Variants in SMARCC2 observed in about 807,000 individuals in gnomAD.
SMARCC2 encodes the protein SWI/SNF complex subunit SMARCC2.
Under a neutral mutation model 151.3 loss-of-function variants are expected in SMARCC2, and 15 were observed. The observed-to-expected ratio is 0.10, with a 90% CI of 0.07 to 0.15. The LOEUF (loss-of-function observed/expected upper bound fraction) is 0.15. Ranked by LOEUF, SMARCC2 falls within the 10% of genes least tolerant of loss-of-function variation. SMARCC2 has a pLI of 1.00. For synonymous variants in SMARCC2, 590 were observed against 609.5 expected, an observed-to-expected ratio of 0.97 and a Z score of 0.47; for missense variants, 1,031 against 1,599.7, an observed-to-expected ratio of 0.64 and a Z score of 6.06.
At chr12:56,179,164 G>A (rs1437973682) in intron 11 of SMARCC2, 108 bp from the exon 12 acceptor site, 2 of 858,334 alleles carry the variant, frequency 2.3e-6, no homozygotes, top group East Asian at 2.5e-5. Flanking sequence ...CCACCTGATT[G>A]CAAAATATAG....
Position 56,179,163 on chromosome 12 carries a change from T to G in SMARCC2, c.1082-107A>C, listed in dbSNP as rs1319920548. ...TCTCCAAAAATTGTCTCCACCTGAT[T>G]GCAAAATATAGTAATTCTCTCCAGT... On this transcript the variant is annotated intron_variant, in intron 11 of 28. Transcript: ENST00000550164. 4.5e-6 allele frequency: 4 copies of G among 887,236 alleles called. No individual in the cohort carries two copies. The African/African-American group carries it at 6.6e-5, about 15-fold the overall frequency. The allele number at this position is 887,236 out of a possible 1,614,324, so 55.0% of individuals were successfully genotyped here.
chr12:56,167,845 C>T (rs1873096269), intron 26 of SMARCC2, among the ~76,000 whole-genome samples: 1 of 151,760 alleles, frequency 6.6e-6, no homozygotes, highest in Non-Finnish European at 1.5e-5. Flanking sequence ...CTTTGAAGCC[C>T]TGTCTGTCTC....
chr12:56,186,299 C>A, intron 2 of SMARCC2, 59 bp from the exon 3 acceptor site: 7 of 957,118 alleles, frequency 7.3e-6, no homozygotes, highest in African/African-American at 1.6e-5. Context: ...TCTCTCATCA[C>A]TTAATAATCT....
chr12:56,186,613 GTGC>G, intron 2 of SMARCC2: 1 of 241,948 alleles, frequency 4.1e-6, no homozygotes, highest in East Asian at 1.2e-4. Context: ...GCCTCCCAAA[GTGC>G]TGAGATTACA....
chr12:56,165,808 G>A lies in SMARCC2; in HGVS notation c.2851-109C>T, dbSNP rs1291452227. 5 of 1,135,206 alleles carry A rather than the reference G, an allele frequency of 4.4e-6. No homozygotes were observed. In the Admixed American group the frequency reaches 7.7e-5, roughly 17 times the overall value. The allele number at this position is 1,135,206 out of a possible 1,614,324, so 70.3% of individuals were successfully genotyped here. A position where few individuals can be genotyped will look rare whatever the true frequency, so the allele number is the denominator to read the frequency against. On this transcript the variant is annotated intron_variant, in intron 26 of 28. Transcript: ENST00000550164. ...GAAAGAGCCTGCCTCTCAATCAGAA[G>A]GTTCCCAAAATCTACATCTTGTGCT...
At chr12:56,181,183 G>A (rs1876130609) in intron 10 of SMARCC2, 82 bp from the exon 11 acceptor site, 2 of 1,417,990 alleles carry the variant, frequency 1.4e-6, no homozygotes, top group Middle Eastern at 1.8e-4. Context: ...GGGAAGGGAA[G>A]TGACAGAGAA....
In SMARCC2 at chr12:56,171,391, C is replaced by A. The variant is rs775389691; in HGVS notation, c.2227G>T (p.Val743Leu). 5.6e-6 allele frequency: 9 copies of A among 1,614,120 alleles called. No individual in the cohort carries two copies. In the South Asian group the frequency reaches 8.8e-5, roughly 16 times the overall value. ...KMKEEVPTALVEAHVRKVEEA... is the reference protein window; with the variant it reads ...KMKEEVPTALLEAHVRKVEEA... ...TCCACTTTTCGAACATGGGCCTCCA[C>A]CAAGGCCGTGGGTACCTCTTCCTTC... The change falls in exon 22 of 29, where the codon GTG becomes TTG. Residue 743 changes from valine (V) to leucine (L), a missense_variant. By Grantham distance (32) the Val-to-Leu change is conservative. This residue lies in a region of SMARCC2 where 119 missense variants were observed against 184.2 expected (regional missense o/e 0.65). Coordinates refer to ENST00000550164, the MANE Select transcript of SMARCC2 (RefSeq NM_001330288.2). This position sits in a 1 kb window ranked among gnomAD's most constrained non-coding sequence, Gnocchi z 4.2.
At chr12:56,170,881 T>TGCC (rs1457569702) in intron 22 of SMARCC2, among the ~76,000 whole-genome samples, 3 of 151,952 alleles carry the variant, frequency 2.0e-5, no homozygotes, top group Admixed American at 6.6e-5. Context: ...TACAGGCACG[T>TGCC]GCCACCACGC....
chr12:56,188,572 T>G (rs1013032508), intron 1 of SMARCC2, among the ~76,000 whole-genome samples: 9 of 152,268 alleles, frequency 5.9e-5, no homozygotes, highest in African/African-American at 2.2e-4. Flanking sequence ...TCTTGAACCT[T>G]TTGTTCACCA....
intron 22 of SMARCC2, among the ~76,000 whole-genome samples, chr12:56,170,419 T>C (rs761271892): frequency 3.9e-4 from 59 of 150,540 alleles, no homozygotes; most frequent in Admixed American, 1.9e-3. Flanking sequence ...ATAACACCTG[T>C]TTTTTTTTGT....
Position 56,171,859 on chromosome 12 carries a change from G to A in SMARCC2, c.2005C>T (p.His669Tyr). The A allele has an allele frequency of 6.2e-7, 1 of 1,614,124 alleles. No individual in the cohort carries two copies. ...TCTTCAATGGGAAGACGAAGAAAAT[G>A]CAAGATGCACTCGTCCTGTGTGCGG... ...GSRTQDECILHFLRLPIEDPY... is the reference protein window; with the variant it reads ...GSRTQDECILYFLRLPIEDPY... The change falls in exon 21 of 29, where the codon CAT becomes TAT. Residue 669 changes from histidine (H) to tyrosine (Y), a missense_variant. His to Tyr is a moderately conservative substitution (Grantham distance 83). This residue lies in a region of SMARCC2 where 51 missense variants were observed against 137.9 expected (regional missense o/e 0.37). Transcript: ENST00000550164. The surrounding 1 kb of genome is among the most constrained non-coding windows in gnomAD (Gnocchi z 4.2).
At chr12:56,172,172 C>G in intron 20 of SMARCC2, 1 of 557,802 alleles carries the variant, frequency 1.8e-6, no homozygotes. Context: ...GCCTTGACCT[C>G]CTAGGCTCAA....
intron 1 of SMARCC2, among the ~76,000 whole-genome samples, chr12:56,188,422 G>C (rs1012565927): frequency 6.6e-6 from 1 of 152,178 alleles, no homozygotes; most frequent in Non-Finnish European, 1.5e-5. Flanking sequence ...GGAAGAACTG[G>C]GGAGCTGAAA....
intron 22 of SMARCC2, among the ~76,000 whole-genome samples, chr12:56,170,538 A>G (rs952003178): frequency 1.3e-5 from 2 of 150,330 alleles, no homozygotes; most frequent in Non-Finnish European, 3.0e-5. Context: ...TGGTTCTCTC[A>G]CCTCAGCCTC....
intron 3 of SMARCC2, 200 bp from the exon 4 acceptor site, chr12:56,185,311 T>C: frequency 1.8e-6 from 1 of 541,504 alleles, no homozygotes. Context: ...CCCCAGTAGC[T>C]GGGACTATAG....
chr12:56,184,039 G>T, intron 6 of SMARCC2, 109 bp from the exon 7 acceptor site: 1 of 1,047,150 alleles, frequency 9.5e-7, no homozygotes, highest in Non-Finnish European at 1.5e-6. Flanking sequence ...AGGGGACTTG[G>T]TAATAGGAAC....
intron 16 of SMARCC2, 81 bp downstream of exon 16, chr12:56,174,570 G>T: frequency 1.2e-6 from 1 of 865,550 alleles, no homozygotes; most frequent in Non-Finnish European, 2.0e-6. Context: ...TGTGTTCCTT[G>T]CTGGCATCTC....
In SMARCC2 at chr12:56,171,978, A is replaced by G. The variant is rs1252241506; in HGVS notation, c.1927-41T>C. ...GAGACATAACTCCGCTTACTTAGCC[A>G]CTTTTCTCGAAGGCTGACTCCCCCC... On this transcript the variant is annotated intron_variant, in intron 20 of 28. Coordinates refer to ENST00000550164, the MANE Select transcript of SMARCC2 (RefSeq NM_001330288.2). This position sits in a 1 kb window ranked among gnomAD's most constrained non-coding sequence, Gnocchi z 4.2. The G allele has an allele frequency of 1.3e-6, 2 of 1,549,350 alleles. No homozygotes were observed. The highest frequency in any genetic ancestry group is 4.5e-5 in the East Asian group (2 of 44,086).
chr12:56,189,456 C>T lies in SMARCC2; in HGVS notation c.6G>A (p.Ala2=), dbSNP rs2135776333. 5 of 1,487,764 alleles carry T rather than the reference C, an allele frequency of 3.4e-6. No homozygotes were observed. The highest frequency in any genetic ancestry group is 4.5e-6 in the Non-Finnish European group (5 of 1,107,668). The allele number at this position is 1,487,764 out of a possible 1,614,324, so 92.2% of individuals were successfully genotyped here. A position where few individuals can be genotyped will look rare whatever the true frequency, so the allele number is the denominator to read the frequency against. M[A]VRKKDGGPNV... ...TGGGGCCGCCGTCCTTCTTCCGCAC[C>T]GCCATCTTCTCCGGCTCGGGCCCCG... The change falls in exon 1 of 29, where the codon GCG becomes GCA. Residue 2 remains alanine (A), a synonymous_variant. Transcript: ENST00000550164.
Sources: gnomAD v4.1 joint callset for allele counts (sites outside exome capture counted in the v4.1 genomes callset) on GRCh38, gnomAD v4.1.1 for gene constraint, gnomAD v4.1.1 regional missense constraint, Gnocchi (gnomAD v3.1) non-coding constraint, MANE v1.5 for transcripts, NCBI Gene and HGNC (gene_info 2026-07-23, HGNC 2026-07-21) for gene names.